The following MROH9 variants were observed in gnomAD, a reference collection of about 807,000 sequenced individuals.
MROH9 encodes maestro heat-like repeat-containing protein family member 9.
In MROH9, 92 loss-of-function variants were observed where a neutral mutation model predicts 98.2. The observed-to-expected ratio is 0.94, with a 90% CI of 0.79 to 1.11. The LOEUF (loss-of-function observed/expected upper bound fraction) is 1.11, where lower values mean the gene tolerates loss of function less well. Among genes scored for constraint, MROH9 ranks in the 50% most tolerant of loss-of-function variants. MROH9 has a pLI of 0.00. For missense variants in MROH9, 1,057 were observed against 1,014.8 expected, an observed-to-expected ratio of 1.04 and a Z score of -0.57; for synonymous variants, 397 against 368.9, an observed-to-expected ratio of 1.08 and a Z score of -0.87.
At chr1:170,984,809 C>G (rs1033408817) in intron 9 of MROH9, among the ~76,000 whole-genome samples, 1 of 152,088 alleles carries the variant, frequency 6.6e-6, no homozygotes, top group Non-Finnish European at 1.5e-5. Context: ...GCACTACATG[C>G]GGGAACAGTA....
At chr1:171,049,579 C>T (rs1653596192) in intron 20 of MROH9, among the ~76,000 whole-genome samples, 2 of 152,112 alleles carry the variant, frequency 1.3e-5, no homozygotes, top group South Asian at 2.1e-4. Flanking sequence ...CCTTGCTCCA[C>T]CCCCCATTTC....
At chr1:170,970,731 T>TGTGTGTGTGTGTGTGTGTGTGTGAGA (rs1491154307) in intron 7 of MROH9, among the ~76,000 whole-genome samples, 1 of 90,800 alleles carries the variant, frequency 1.1e-5, no homozygotes. Flanking sequence ...TGTGTGTGTG[T>TGTGTGTGTGTGTGTGTGTGTGTGAGA]GAGAGAGAGA....
Position 171,062,251 on chromosome 1 carries a change from T to A in MROH9, c.2344+57T>A, listed in dbSNP as rs1055562626. On this transcript the variant is annotated intron_variant, in intron 21 of 21. Transcript: ENST00000367759. ...GCATAAATCTAAATACATTTACTAT[T>A]TTTAATTCTAGTCACATATGAGTTC... 3 of 1,257,940 alleles carry A rather than the reference T, an allele frequency of 2.4e-6. No individual in the cohort carries two copies. The African/African-American group carries it at 4.5e-5, about 19-fold the overall frequency. 77.9% of individuals were successfully genotyped at this position (1,257,940 alleles called of 1,614,324 possible). A position where few individuals can be genotyped will look rare whatever the true frequency, so the allele number is the denominator to read the frequency against.
chr1:171,016,652 A>G (rs1471086342), intron 17 of MROH9, among the ~76,000 whole-genome samples: 1 of 152,134 alleles, frequency 6.6e-6, no homozygotes, highest in Non-Finnish European at 1.5e-5. Context: ...CTTATTGGCT[A>G]TGAAACACTG....
Position 171,046,083 on chromosome 1 carries a change from A to G in MROH9, c.2282-16049A>G, listed in dbSNP as rs192052432. ...CCTTCCTTATAGTTTTTGTCTTGAAATCTATCTTTTCTGATATAAGTATAG... is the reference window on the plus strand; with the variant it reads ...CCTTCCTTATAGTTTTTGTCTTGAAGTCTATCTTTTCTGATATAAGTATAG... On this transcript the variant is annotated intron_variant, in intron 20 of 21. Transcript: ENST00000367759. Among the ~76,000 whole-genome samples, 5 of 152,206 alleles carry G rather than the reference A, an allele frequency of 3.3e-5. No individual in the cohort carries two copies. In the South Asian group the frequency reaches 6.2e-4, roughly 19 times the overall value.
intron 10 of MROH9, among the ~76,000 whole-genome samples, chr1:170,987,706 A>G (rs60001908): frequency 6.6e-6 from 1 of 152,220 alleles, no homozygotes; most frequent in Non-Finnish European, 1.5e-5. Flanking sequence ...TCACACATGC[A>G]TACGTATTAC....
chr1:170,994,811 A>G (rs1021574188), intron 12 of MROH9, among the ~76,000 whole-genome samples: 7 of 152,032 alleles, frequency 4.6e-5, no homozygotes, highest in Non-Finnish European at 1.0e-4. Flanking sequence ...CGTCTTTAAA[A>G]TTTTTAAATT....
rs532446197 is a variant in MROH9 at position 170,945,713 on chromosome 1, C to A, written c.25+132C>A. 15 of 715,156 alleles carry A rather than the reference C, an allele frequency of 2.1e-5. No homozygotes were observed. The South Asian group carries it at 4.0e-4, about 19-fold the overall frequency. The allele number at this position is 715,156 out of a possible 1,614,324, so 44.3% of individuals were successfully genotyped here. ...GATAACAAAGAATGTACCTTTTTTC[C>A]CTAATGCCCGTAGAACGTTCACAAA... On this transcript the variant is annotated intron_variant, in intron 2 of 21. Coordinates refer to ENST00000367759, the MANE Select transcript of MROH9 (RefSeq NM_001163629.2).
chr1:170,983,548 C>A lies in MROH9; in HGVS notation c.729+14C>A, dbSNP rs777986846. On this transcript the variant is annotated intron_variant, in intron 9 of 21. Coordinates refer to ENST00000367759, the MANE Select transcript of MROH9 (RefSeq NM_001163629.2). ...AAAATAGCTCAGGTAACTTAGCCCC[C>A]ACTTTTTCCGAGGGCTTTTGTTTAT... 4 of 1,498,492 alleles carry A rather than the reference C, an allele frequency of 2.7e-6. No homozygotes were observed. The highest frequency in any genetic ancestry group is 3.7e-6 in the Non-Finnish European group (4 of 1,077,622). The allele number at this position is 1,498,492 out of a possible 1,614,324, so 92.8% of individuals were successfully genotyped here.
At chr1:170,967,960 T>G (rs1650297301) in intron 7 of MROH9, among the ~76,000 whole-genome samples, 1 of 152,120 alleles carries the variant, frequency 6.6e-6, no homozygotes, top group African/African-American at 2.4e-5. Context: ...CACAAAATGA[T>G]GGTAATAAAA....
At chr1:171,042,127 C>T (rs1468765976) in intron 20 of MROH9, among the ~76,000 whole-genome samples, 1 of 152,050 alleles carries the variant, frequency 6.6e-6, no homozygotes, top group African/African-American at 2.4e-5. Context: ...CCACAACCCC[C>T]TCAAATCCCC....
intron 3 of MROH9, among the ~76,000 whole-genome samples, chr1:170,950,375 C>G (rs375072203): frequency 3.3e-5 from 5 of 152,096 alleles, no homozygotes; most frequent in African/African-American, 1.2e-4. Flanking sequence ...AAGGAGACAG[C>G]CATCTATCAG....
chr1:170,990,528 A>G (rs1000555657), intron 11 of MROH9, among the ~76,000 whole-genome samples: 3 of 152,204 alleles, frequency 2.0e-5, no homozygotes, highest in African/African-American at 7.2e-5. Flanking sequence ...AAAAAATACA[A>G]ACGCGAGTCT....
Position 171,064,697 on chromosome 1 carries a change from T to G in MROH9, c.*357T>G, listed in dbSNP as rs1654115153. ...ACCTTCTAAGTGCCAGATACTGTGT[T>G]AGGCAGTGGGGACATTTGGATGATA... On this transcript the variant is annotated 3_prime_UTR_variant, in exon 22 of 22. Coordinates refer to ENST00000367759, the MANE Select transcript of MROH9 (RefSeq NM_001163629.2). The G allele has an allele frequency of 5.6e-6, 1 of 180,146 alleles. No homozygotes were observed. Among genetic ancestry groups the G allele is most frequent in the Non-Finnish European group, 1.1e-5 (1 of 87,332 alleles). The allele number at this position is 180,146 out of a possible 1,614,324, so 11.2% of individuals were successfully genotyped here. A position where few individuals can be genotyped will look rare whatever the true frequency, so the allele number is the denominator to read the frequency against.
intron 20 of MROH9, among the ~76,000 whole-genome samples, chr1:171,026,596 G>A (rs1283700595): frequency 6.6e-6 from 1 of 152,092 alleles, no homozygotes; most frequent in African/African-American, 2.4e-5. Context: ...TTTCAGACCA[G>A]AAATAATCCC....
At chr1:171,012,565 C>G (rs967950730) in intron 15 of MROH9, among the ~76,000 whole-genome samples, 8 of 144,258 alleles carry the variant, frequency 5.5e-5, no homozygotes, top group Non-Finnish European at 1.0e-4. Context: ...TGCAGTGGCT[C>G]GATCTCGGCT....
At chr1:171,034,898 A>G (rs1234734776) in intron 20 of MROH9, among the ~76,000 whole-genome samples, 3 of 152,182 alleles carry the variant, frequency 2.0e-5, no homozygotes, top group Non-Finnish European at 4.4e-5. Context: ...AGATCCACAC[A>G]TATACCTAAT....
intron 15 of MROH9, among the ~76,000 whole-genome samples, chr1:171,004,265 G>C (rs565237557): frequency 6.6e-6 from 1 of 152,248 alleles, no homozygotes; most frequent in South Asian, 2.1e-4. Context: ...CTGGCCAGGA[G>C]GCTTCTTGCC....
At chr1:171,044,308 A>C (rs1030562986) in intron 20 of MROH9, among the ~76,000 whole-genome samples, 4 of 152,204 alleles carry the variant, frequency 2.6e-5, no homozygotes, top group Admixed American at 2.0e-4. Flanking sequence ...TCCCAGGGAT[A>C]AATCCTACTA....
Sources: allele counts gnomAD v4.1 joint callset (sites outside exome capture counted in the v4.1 genomes callset), GRCh38; gene constraint gnomAD v4.1.1; transcripts MANE v1.5; gene names NCBI Gene and HGNC (gene_info 2026-07-23, HGNC 2026-07-21).